The following SIPA1L3 variants were observed in gnomAD, a reference collection of about 807,000 sequenced individuals.
The protein encoded by SIPA1L3 is signal induced proliferation associated 1 like 3, also known as signal-induced proliferation-associated 1-like protein 3.
A neutral mutation model predicts 150.1 loss-of-function variants in SIPA1L3; 59 were observed. The observed-to-expected ratio is 0.39, with a 90% confidence interval of 0.32 to 0.49. SIPA1L3 has a LOEUF of 0.49. Ranked by LOEUF, SIPA1L3 falls within the 20% of genes least tolerant of loss-of-function variation. SIPA1L3 has a pLI of 0.86. For missense variants in SIPA1L3, 2,211 were observed against 2,489.5 expected (o/e 0.89, Z 2.38); for synonymous variants, 1,070 against 1,077.6 (o/e 0.99, Z 0.14).
At chr19:38,199,198 A>G (rs190252267) in intron 19 of SIPA1L3, among the ~76,000 whole-genome samples, 2 of 152,140 alleles carry the variant, frequency 1.3e-5, no homozygotes, top group East Asian at 3.9e-4. Flanking sequence ...GTCCGTGCTG[A>G]CGGGGCCAGG....
At chr19:38,109,885 CGTA>C (rs1438265443) in intron 7 of SIPA1L3, 1 of 250,210 alleles carries the variant, frequency 4.0e-6, no homozygotes, top group Non-Finnish European at 7.9e-6. Flanking sequence ...ATCTGAATAA[CGTA>C]GTCAGCAAAG....
At chr19:38,059,917 G>C (rs1969411046) in intron 2 of SIPA1L3, among the ~76,000 whole-genome samples, 1 of 152,178 alleles carries the variant, frequency 6.6e-6, no homozygotes, top group Non-Finnish European at 1.5e-5. Context: ...TGGGATTACA[G>C]GCACCTGCCA....
chr19:38,101,131 A>G lies in SIPA1L3; in HGVS notation c.1934A>G (p.Glu645Gly). The change falls in exon 6 of 22, where the codon GAG (glutamate) becomes GGG (glycine). Residue 645 changes from glutamate to glycine, a missense_variant. Physicochemically the swap from Glu to Gly is moderately conservative, Grantham distance 98 (BLOSUM62 -2). Coordinates refer to ENST00000222345, the MANE Select transcript of SIPA1L3 (RefSeq NM_015073.3). ...SSEEEMYNNE[E>G]AGPAFEEFLS... ...GAGGAGGAGATGTACAACAATGAGG[A>G]GGCCGGCCCCGCCTTTGAGGAGTTC... The G allele has an allele frequency of 6.2e-7, 1 of 1,610,126 alleles. No homozygotes were observed. Among genetic ancestry groups the G allele is most frequent in the East Asian group, 2.2e-5 (1 of 44,676 alleles).
chr19:38,166,686 C>A (rs1026099797), intron 15 of SIPA1L3, among the ~76,000 whole-genome samples: 3 of 152,164 alleles, frequency 2.0e-5, no homozygotes, highest in South Asian at 2.1e-4. Flanking sequence ...CAGTGCCAGC[C>A]CCTGAGTCCA....
intron 2 of SIPA1L3, among the ~76,000 whole-genome samples, chr19:38,073,324 G>A (rs914681033): frequency 1.2e-4 from 19 of 152,130 alleles, no homozygotes; most frequent in Admixed American, 3.9e-4. Context: ...GCTTCACATC[G>A]CTCTCCAGCT....
chr19:38,076,515 T>C (rs1044755738), intron 2 of SIPA1L3, among the ~76,000 whole-genome samples: 3 of 152,200 alleles, frequency 2.0e-5, no homozygotes, highest in African/African-American at 7.2e-5. Context: ...CATCTCCGCA[T>C]GAGCAGTTTG....
chr19:38,198,507 G>C lies in SIPA1L3; in HGVS notation c.4959G>C (p.Leu1653=). The C allele has an allele frequency of 6.3e-7, 1 of 1,586,542 alleles. No homozygotes were observed. Among genetic ancestry groups the C allele is most frequent in the Non-Finnish European group, 8.6e-7 (1 of 1,167,634 alleles). ...CTGCTGGCCTCGAGTGGTCCAGCCT[G>C]GTGAACGCAGCCAAGGCATACGAAG... ...DTAAGLEWSS[L]VNAAKAYEVQ... Residue 1653 remains leucine (L), a synonymous_variant, in exon 19 of 22, where the codon CTG becomes CTC. Coordinates refer to ENST00000222345, the MANE Select transcript of SIPA1L3 (RefSeq NM_015073.3).
intron 1 of SIPA1L3, among the ~76,000 whole-genome samples, chr19:37,955,568 T>C (rs1294337657): frequency 1.3e-5 from 2 of 152,148 alleles, no homozygotes; most frequent in Non-Finnish European, 2.9e-5. Flanking sequence ...ACTAACCTGC[T>C]CTTTGTCTCT....
intron 2 of SIPA1L3, among the ~76,000 whole-genome samples, chr19:38,078,105 G>A (rs1002335311): frequency 6.6e-6 from 1 of 152,190 alleles, no homozygotes; most frequent in Non-Finnish European, 1.5e-5. Flanking sequence ...ATCCAGGTCA[G>A]TGCAGGCTCC....
At chr19:38,007,111 A>T (rs1967961868) in intron 1 of SIPA1L3, among the ~76,000 whole-genome samples, 1 of 152,206 alleles carries the variant, frequency 6.6e-6, no homozygotes, top group South Asian at 2.1e-4. Context: ...TGAGGTCAGG[A>T]GTTCAAGACC....
At chr19:38,068,701 TA>T (rs1293381516) in intron 2 of SIPA1L3, among the ~76,000 whole-genome samples, 1 of 151,998 alleles carries the variant, frequency 6.6e-6, no homozygotes, top group Non-Finnish European at 1.5e-5. Flanking sequence ...AATTTTTAAG[TA>T]AAAAATTAGC....
chr19:37,909,591 T>C (rs2046362043), intron 1 of SIPA1L3, among the ~76,000 whole-genome samples: 1 of 152,186 alleles, frequency 6.6e-6, no homozygotes, highest in Non-Finnish European at 1.5e-5. Flanking sequence ...AAGAAGATGT[T>C]ATAGACTTGG....
chr19:38,015,580 C>T (rs1041741467), intron 1 of SIPA1L3, among the ~76,000 whole-genome samples: 2 of 151,918 alleles, frequency 1.3e-5, no homozygotes, highest in Non-Finnish European at 2.9e-5. Context: ...AAAAACTAGC[C>T]AGGGATGGTG....
At chr19:37,921,915 C>T (rs928510722) in intron 1 of SIPA1L3, among the ~76,000 whole-genome samples, 1 of 151,728 alleles carries the variant, frequency 6.6e-6, no homozygotes. Flanking sequence ...TTTTTCTTTC[C>T]AAGGCACCTT....
chr19:38,174,177 G>C (rs1418015286), intron 15 of SIPA1L3, among the ~76,000 whole-genome samples: 1 of 152,152 alleles, frequency 6.6e-6, no homozygotes, highest in Non-Finnish European at 1.5e-5. Context: ...GCAGTGGCTT[G>C]ATTGGTATCT....
intron 12 of SIPA1L3, among the ~76,000 whole-genome samples, chr19:38,147,364 C>G (rs745527343): frequency 3.3e-5 from 5 of 152,154 alleles, no homozygotes; most frequent in Non-Finnish European, 7.3e-5. Context: ...CACACCCAGC[C>G]TAAGTTTTTT....
At chr19:37,961,153 G>C (rs948668157) in intron 1 of SIPA1L3, among the ~76,000 whole-genome samples, 5 of 150,644 alleles carry the variant, frequency 3.3e-5, no homozygotes, top group Non-Finnish European at 7.4e-5. Context: ...ACAGGTGTGA[G>C]CCACCGTGCC....
chr19:38,043,587 G>T (rs891072513), intron 2 of SIPA1L3, among the ~76,000 whole-genome samples: 1 of 152,180 alleles, frequency 6.6e-6, no homozygotes, highest in Non-Finnish European at 1.5e-5. Flanking sequence ...TTTAGGAAGG[G>T]ATCATGCCAC....
At chr19:37,957,452 C>G (rs1568478875) in intron 1 of SIPA1L3, among the ~76,000 whole-genome samples, 4 of 152,058 alleles carry the variant, frequency 2.6e-5, no homozygotes, top group African/African-American at 9.7e-5. Flanking sequence ...TTTCTTTCAG[C>G]TTTTCAGTGC....
Sources: allele counts gnomAD v4.1 joint callset (sites outside exome capture counted in the v4.1 genomes callset), GRCh38; gene constraint gnomAD v4.1.1; transcripts MANE v1.5; gene names NCBI Gene and HGNC (gene_info 2026-07-23, HGNC 2026-07-21).